FRMD5: variants seen among roughly 807,000 people sequenced by gnomAD.
The protein encoded by FRMD5 is FERM domain containing 5, also known as FERM domain-containing protein 5.
In FRMD5, 20 loss-of-function variants were observed where a neutral mutation model predicts 69.0. The ratio of observed to expected loss-of-function variants is 0.29; its 90% CI spans 0.20 to 0.42. The LOEUF (loss-of-function observed/expected upper bound fraction) is 0.42. Ranked by LOEUF, FRMD5 falls within the 10% of genes least tolerant of loss-of-function variation. The probability of loss-of-function intolerance (pLI) is 1.00; values close to 1 mark genes in which losing one functional copy is unlikely to be tolerated. For synonymous variants in FRMD5, 271 were observed against 260.1 expected (o/e 1.04, Z -0.40); for missense variants, 595 against 708.6 (o/e 0.84, Z 1.82).
In FRMD5 at chr15:43,943,986, CTT is replaced by C. The variant is rs371141284; in HGVS notation, c.103-19679_103-19678del. The stretch of plus-strand genomic sequence containing the variant: ...CTCTTTCTACTTAGAGCAAAGCAGA[CTT>C]TGTTATTTTGCACTTGGGGCTCTCC... On this transcript the variant is annotated intron_variant, in intron 1 of 13. Transcript: ENST00000417257. Among the ~76,000 whole-genome samples, 810 of 152,308 alleles carry C rather than the reference CTT, an allele frequency of 5.3e-3. 12 individuals are homozygous for C. Among genetic ancestry groups the C allele is most frequent in the African/African-American group, 0.018 (762 of 41,566 alleles).
intron 1 of FRMD5, among the ~76,000 whole-genome samples, chr15:44,002,998 T>C (rs1890280493): frequency 6.6e-6 from 1 of 152,140 alleles, no homozygotes; most frequent in South Asian, 2.1e-4. Flanking sequence ...TCCCAAGTCA[T>C]ACCACAGCAG....
intron 1 of FRMD5, among the ~76,000 whole-genome samples, chr15:43,980,425 C>A (rs1294790407): frequency 6.6e-6 from 1 of 152,168 alleles, no homozygotes; most frequent in East Asian, 1.9e-4. Flanking sequence ...TCCATTAAGC[C>A]TTCAAACAAA....
intron 1 of FRMD5, among the ~76,000 whole-genome samples, chr15:44,159,632 T>C (rs935685667): frequency 6.6e-6 from 1 of 152,158 alleles, no homozygotes; most frequent in Non-Finnish European, 1.5e-5. Flanking sequence ...CCAAGTCACC[T>C]AGAGAATGAA....
At chr15:44,091,813 T>C (rs1306016254) in intron 1 of FRMD5, among the ~76,000 whole-genome samples, 3 of 152,140 alleles carry the variant, frequency 2.0e-5, no homozygotes, top group African/African-American at 7.2e-5. Context: ...TGACAGGATT[T>C]GCTTTTTCTC....
intron 1 of FRMD5, among the ~76,000 whole-genome samples, chr15:44,083,226 G>C (rs1894064191): frequency 6.6e-6 from 1 of 151,956 alleles, no homozygotes; most frequent in South Asian, 2.1e-4. Context: ...TCTTTGGTAT[G>C]CTAGGAAGAA....
Position 43,906,694 on chromosome 15 carries a change from T to C in FRMD5, c.428-743A>G, listed in dbSNP as rs542541423. ...TTGGCTCACTGCAAGCTCCGACTCCTGGGTTCACGCCATTCTCCTGCCTCA... is the reference window on the plus strand; with the variant it reads ...TTGGCTCACTGCAAGCTCCGACTCCCGGGTTCACGCCATTCTCCTGCCTCA... On this transcript the variant is annotated intron_variant, in intron 5 of 13. Transcript: ENST00000417257. 1.5e-3 allele frequency among the ~76,000 whole-genome samples: 234 copies of C among 151,174 alleles called. 1 individual carries two copies. Among genetic ancestry groups the C allele is most frequent in the Admixed American group, 3.8e-3 (58 of 15,256 alleles).
intron 1 of FRMD5, among the ~76,000 whole-genome samples, chr15:44,049,990 G>T (rs931735974): frequency 6.6e-6 from 1 of 151,998 alleles, no homozygotes. Flanking sequence ...TTGTGGGCAG[G>T]ATCTATGTAC....
intron 1 of FRMD5, among the ~76,000 whole-genome samples, chr15:44,139,290 CCT>C (rs1276847796): frequency 1.4e-5 from 2 of 144,878 alleles, no homozygotes; most frequent in Non-Finnish European, 3.0e-5. Context: ...TATAGCTCCC[CCT>C]CTCTCTACAC....
intron 1 of FRMD5, chr15:43,989,227 G>T: frequency 1.2e-6 from 1 of 805,872 alleles, no homozygotes; most frequent in Non-Finnish European, 2.2e-6. Context: ...TGTGCTGGGC[G>T]CCAGGGTGGT....
At chr15:44,100,591 CATT>C (rs2076624792) in intron 1 of FRMD5, among the ~76,000 whole-genome samples, 1 of 152,142 alleles carries the variant, frequency 6.6e-6, no homozygotes, top group Admixed American at 6.5e-5. Context: ...ACCACTTCTA[CATT>C]ATTAATATTA....
rs150297596 is a variant in FRMD5, at chr15:44,119,212, G to A, written c.102+75741C>T. 7.3e-3 allele frequency among the ~76,000 whole-genome samples: 1,105 copies of A among 152,100 alleles called. 10 individuals carry two copies. Among genetic ancestry groups the A allele is most frequent in the African/African-American group, 0.026 (1,064 of 41,472 alleles). ...TGGGCTCAAGAAATCCTCCCACCTCGGCCTTCCAAAGTACTGGAATTACAG... is the reference window on the plus strand; with the variant it reads ...TGGGCTCAAGAAATCCTCCCACCTCAGCCTTCCAAAGTACTGGAATTACAG... On this transcript the variant is annotated intron_variant, in intron 1 of 13. Transcript: ENST00000417257.
At chr15:43,955,782 T>C (rs937151100) in intron 1 of FRMD5, among the ~76,000 whole-genome samples, 1 of 152,194 alleles carries the variant, frequency 6.6e-6, no homozygotes, top group African/African-American at 2.4e-5. Context: ...CTATTCTGGT[T>C]ATAATCAAGT....
In FRMD5 at chr15:43,880,723, A is replaced by G. The variant is rs1196111790; in HGVS notation, c.1135+2980T>C. The stretch of plus-strand genomic sequence containing the variant: ...GCCTTGGGCACAGGGTGTGAGAAGC[A>G]CCTGGAAGTCTGCTGAGCTGTAACC... On this transcript the variant is annotated intron_variant, in intron 13 of 13. Coordinates refer to ENST00000417257, the MANE Select transcript of FRMD5 (RefSeq NM_032892.5). 9.9e-5 allele frequency among the ~76,000 whole-genome samples: 15 copies of G among 152,150 alleles called. No individual in the cohort carries two copies. In the East Asian group the frequency reaches 2.9e-3, roughly 29 times the overall value.
intron 1 of FRMD5, among the ~76,000 whole-genome samples, chr15:44,184,204 C>T (rs569942336): frequency 6.6e-6 from 1 of 152,292 alleles, no homozygotes; most frequent in African/African-American, 2.4e-5. Flanking sequence ...AAGTCCACCT[C>T]CTGCCATCAT....
In FRMD5 at chr15:44,170,094, T is replaced by C. The variant is rs548061183; in HGVS notation, c.102+24859A>G. On this transcript the variant is annotated intron_variant, in intron 1 of 13. Coordinates refer to ENST00000417257, the MANE Select transcript of FRMD5 (RefSeq NM_032892.5). The stretch of plus-strand genomic sequence containing the variant: ...CCTACTTTTGCCACGTGGTTGCTTT[T>C]TTTGTTTAAGAGACAGGGTCTCACT... 1.6e-4 allele frequency among the ~76,000 whole-genome samples: 24 copies of C among 152,326 alleles called. 1 individual carries two copies. In the East Asian group the frequency reaches 4.4e-3, roughly 28 times the overall value.
At chr15:44,164,985 TGTA>T (rs911432137) in intron 1 of FRMD5, among the ~76,000 whole-genome samples, 1 of 152,206 alleles carries the variant, frequency 6.6e-6, no homozygotes, top group African/African-American at 2.4e-5. Flanking sequence ...AGACTGGCTC[TGTA>T]GTAGTATTCT....
At chr15:44,094,610 T>C (rs2076524236) in intron 1 of FRMD5, among the ~76,000 whole-genome samples, 1 of 152,240 alleles carries the variant, frequency 6.6e-6, no homozygotes, top group South Asian at 2.1e-4. Context: ...TTCCATTTTA[T>C]TTAACATTTT....
At chr15:44,118,240 C>G (rs2076898526) in intron 1 of FRMD5, among the ~76,000 whole-genome samples, 1 of 151,990 alleles carries the variant, frequency 6.6e-6, no homozygotes, top group Non-Finnish European at 1.5e-5. Context: ...CAAAGCAGAC[C>G]AAGTTAGTCC....
chr15:44,075,430 T>C (rs1269571839), intron 1 of FRMD5, among the ~76,000 whole-genome samples: 1 of 152,144 alleles, frequency 6.6e-6, no homozygotes, highest in East Asian at 1.9e-4. Flanking sequence ...GTAAGTTTAT[T>C]AAGCCCCTAT....
Sources: gnomAD v4.1 joint callset for allele counts (sites outside exome capture counted in the v4.1 genomes callset) on GRCh38, gnomAD v4.1.1 for gene constraint, MANE v1.5 for transcripts, NCBI Gene and HGNC (gene_info 2026-07-23, HGNC 2026-07-21) for gene names.